The following OPCML variants were observed in gnomAD, a reference collection of about 807,000 sequenced individuals.
The protein encoded by OPCML is opioid binding protein/cell adhesion molecule like, also known as opioid-binding protein/cell adhesion molecule.
A neutral mutation model predicts 37.8 loss-of-function variants in OPCML; 13 were observed. The observed-to-expected ratio is 0.34, with a 90% CI of 0.22 to 0.55. The LOEUF is 0.55. Ranked by LOEUF, OPCML falls within the 20% of genes least tolerant of loss-of-function variation. The pLI, the probability that OPCML is intolerant of heterozygous loss-of-function variation, is 0.91. For synonymous variants in OPCML, 176 were observed against 168.8 expected (o/e 1.04, Z -0.33); for missense variants, 341 against 435.6 (o/e 0.78, Z 1.93).
chr11:133,320,486 T>C (rs1162724385), intron 1 of OPCML, among the ~76,000 whole-genome samples: 1 of 152,162 alleles, frequency 6.6e-6, no homozygotes, highest in Non-Finnish European at 1.5e-5. Flanking sequence ...GTTCTTGTTG[T>C]AATTAAATGA....
chr11:132,768,440 T>G (rs963689044), intron 2 of OPCML, among the ~76,000 whole-genome samples: 4 of 152,154 alleles, frequency 2.6e-5, no homozygotes, highest in African/African-American at 9.7e-5. Context: ...AAATATGAGC[T>G]CAGTTAAAGC....
intron 4 of OPCML, among the ~76,000 whole-genome samples, chr11:132,518,759 A>C (rs943106384): frequency 6.6e-6 from 1 of 152,142 alleles, no homozygotes; most frequent in African/African-American, 2.4e-5. Flanking sequence ...ATAAATAGCT[A>C]TCTCTCCCAC....
chr11:133,511,022 T>C (rs890098379), intron 1 of OPCML, among the ~76,000 whole-genome samples: 4 of 152,206 alleles, frequency 2.6e-5, no homozygotes. Context: ...CCTAAAGCCC[T>C]GTTCCACCAA....
At chr11:133,161,352 G>A (rs918722755) in intron 1 of OPCML, among the ~76,000 whole-genome samples, 5 of 152,248 alleles carry the variant, frequency 3.3e-5, no homozygotes, top group Non-Finnish European at 7.3e-5. Flanking sequence ...GTGAAGTGAT[G>A]ACAGAAAGTG....
intron 2 of OPCML, among the ~76,000 whole-genome samples, chr11:132,937,595 G>GGTGGGTGTGTGT (rs1555056056): frequency 4.5e-5 from 4 of 88,828 alleles, no homozygotes; most frequent in African/African-American, 1.5e-4. Context: ...GCGTGTGTGG[G>GGTGGGTGTGTGT]GTGTGTGTGT....
intron 1 of OPCML, among the ~76,000 whole-genome samples, chr11:133,279,354 C>T (rs1157626043): frequency 1.3e-5 from 2 of 152,152 alleles, no homozygotes; most frequent in African/African-American, 4.8e-5. Context: ...TCTGAAAGCA[C>T]AGAGGTATGG....
At chr11:132,750,160 A>G (rs1945784530) in intron 2 of OPCML, among the ~76,000 whole-genome samples, 2 of 152,206 alleles carry the variant, frequency 1.3e-5, no homozygotes, top group South Asian at 2.1e-4. Flanking sequence ...TGAATGTATT[A>G]TGGTAGAAGT....
intron 1 of OPCML, chr11:133,065,546 C>T (rs1020043448): frequency 5.9e-5 from 9 of 152,326 alleles, no homozygotes; most frequent in Admixed American, 4.6e-4. Context: ...TCCCTCAGTA[C>T]AGTGGACACA....
intron 1 of OPCML, among the ~76,000 whole-genome samples, chr11:133,531,771 G>GAA (rs977260914): frequency 6.7e-6 from 1 of 148,964 alleles, no homozygotes; most frequent in Non-Finnish European, 1.5e-5. Context: ...GAGAGAGAGA[G>GAA]AAAAGAAACA....
intron 4 of OPCML, among the ~76,000 whole-genome samples, chr11:132,464,333 A>T (rs2136924937): frequency 6.6e-6 from 1 of 152,186 alleles, no homozygotes; most frequent in East Asian, 1.9e-4. Flanking sequence ...TTATCAGGGG[A>T]CTTCACACCA....
At chr11:132,641,487 CT>C (rs1208370080) in intron 3 of OPCML, among the ~76,000 whole-genome samples, 1 of 152,188 alleles carries the variant, frequency 6.6e-6, no homozygotes, top group Non-Finnish European at 1.5e-5. Flanking sequence ...CTGATTGCCC[CT>C]GGTCTCTCTC....
intron 1 of OPCML, among the ~76,000 whole-genome samples, chr11:133,103,231 G>A (rs549033678): frequency 6.6e-6 from 1 of 152,234 alleles, no homozygotes; most frequent in South Asian, 2.1e-4. Flanking sequence ...TATTCTATTT[G>A]ATCAACCTTT....
chr11:132,900,859 C>T (rs934468571), intron 2 of OPCML, among the ~76,000 whole-genome samples: 1 of 152,310 alleles, frequency 6.6e-6, no homozygotes, highest in African/African-American at 2.4e-5. Flanking sequence ...AATCCACTAG[C>T]GCCCTTGCCA....
rs572795253 is a variant in OPCML, at chr11:132,850,493, T to C, written c.146+92433A>G. On this transcript the variant is annotated intron_variant, in intron 2 of 7. Transcript: ENST00000524381. ...TTGGAAGTTAAACAATTTGTCTATT[T>C]TATGATTCTACACTGTGGAAAGGGT... 1.9e-4 allele frequency among the ~76,000 whole-genome samples: 29 copies of C among 151,534 alleles called. No individual in the cohort carries two copies. The South Asian group carries it at 6.1e-3, about 32-fold the overall frequency.
At chr11:133,393,439 C>T (rs1022365253) in intron 1 of OPCML, among the ~76,000 whole-genome samples, 6 of 152,272 alleles carry the variant, frequency 3.9e-5, no homozygotes, top group East Asian at 1.9e-4. Flanking sequence ...ACTGTACTGT[C>T]GGCTTTCACC....
chr11:132,518,797 A>G (rs2096285872), intron 4 of OPCML, among the ~76,000 whole-genome samples: 1 of 152,218 alleles, frequency 6.6e-6, no homozygotes, highest in East Asian at 1.9e-4. Flanking sequence ...ACCGGCAGGA[A>G]CAACGTCTAT....
At chr11:133,194,711 G>T (rs188771670) in intron 1 of OPCML, among the ~76,000 whole-genome samples, 10 of 152,086 alleles carry the variant, frequency 6.6e-5, no homozygotes, top group Non-Finnish European at 1.2e-4. Context: ...TGAAAATTTC[G>T]TATTGCCTAT....
At chr11:132,743,597 G>A (rs1945509430) in intron 2 of OPCML, among the ~76,000 whole-genome samples, 2 of 152,160 alleles carry the variant, frequency 1.3e-5, no homozygotes. Context: ...GATCAGATTA[G>A]AAGAATATAA....
chr11:133,473,421 T>A (rs923455176), intron 1 of OPCML, among the ~76,000 whole-genome samples: 3 of 152,190 alleles, frequency 2.0e-5, no homozygotes, highest in Non-Finnish European at 4.4e-5. Flanking sequence ...TTTGCTGACT[T>A]TAAAGTTGCC....
Sources: allele counts gnomAD v4.1 joint callset (sites outside exome capture counted in the v4.1 genomes callset), GRCh38; gene constraint gnomAD v4.1.1; transcripts MANE v1.5; gene names NCBI Gene and HGNC (gene_info 2026-07-23, HGNC 2026-07-21).